UNC13C: variants seen among roughly 807,000 people sequenced by gnomAD.
UNC13C encodes protein unc-13 homolog C.
Under a neutral mutation model 245.4 loss-of-function variants are expected in UNC13C, and 174 were observed. The observed-to-expected ratio is 0.71, with a 90% CI of 0.63 to 0.80. UNC13C has a LOEUF of 0.80. Among genes scored for constraint, UNC13C ranks in the 30% least tolerant of loss-of-function variants. The probability of loss-of-function intolerance (pLI) is 0.00; values close to 1 mark genes in which losing one functional copy is unlikely to be tolerated. For missense variants in UNC13C, 2,829 were observed against 2,602.9 expected, an observed-to-expected ratio of 1.09 and a Z score of -1.89; for synonymous variants, 992 against 895.1, an observed-to-expected ratio of 1.11 and a Z score of -1.93.
chr15:54,454,710 G>C (rs1016658915), intron 19 of UNC13C, among the ~76,000 whole-genome samples: 5 of 151,924 alleles, frequency 3.3e-5, no homozygotes, highest in African/African-American at 1.2e-4. Flanking sequence ...ATGGCCTTTT[G>C]TGTCTGGCTT....
At chr15:54,128,114 A>G (rs2031178900) in intron 2 of UNC13C, among the ~76,000 whole-genome samples, 1 of 152,176 alleles carries the variant, frequency 6.6e-6, no homozygotes, top group Admixed American at 6.5e-5. Context: ...ATTTCTATAC[A>G]CCAACAAGGT....
chr15:54,458,091 T>A (rs917250951), intron 19 of UNC13C, among the ~76,000 whole-genome samples: 1 of 152,052 alleles, frequency 6.6e-6, no homozygotes, highest in Non-Finnish European at 1.5e-5. Context: ...TGTGTCATAA[T>A]TATCATTCAG....
intron 4 of UNC13C, among the ~76,000 whole-genome samples, chr15:54,221,107 T>G (rs1425996226): frequency 1.3e-5 from 2 of 152,080 alleles, no homozygotes; most frequent in African/African-American, 4.8e-5. Context: ...TATTTTCCCT[T>G]CATGTATTGA....
At chr15:54,188,992 A>C (rs1252241146) in intron 4 of UNC13C, among the ~76,000 whole-genome samples, 1 of 152,168 alleles carries the variant, frequency 6.6e-6, no homozygotes, top group Non-Finnish European at 1.5e-5. Flanking sequence ...CACATTAAAA[A>C]TAAGGACTGT....
chr15:53,996,740 T>G (rs1894651796), intron 1 of UNC13C, among the ~76,000 whole-genome samples: 1 of 152,134 alleles, frequency 6.6e-6, no homozygotes, highest in African/African-American at 2.4e-5. Context: ...GTGCCTGGTT[T>G]ATTTTGCTCA....
At chr15:53,870,809 T>C in the UNC13C span, among the ~76,000 whole-genome samples, 1 of 152,254 alleles carries the variant, frequency 6.6e-6, no homozygotes, top group East Asian at 1.9e-4. Context: ...CACACAGCAA[T>C]TAACTGAATT....
intron 29 of UNC13C, among the ~76,000 whole-genome samples, chr15:54,562,464 C>G (rs1475964464): frequency 6.6e-6 from 1 of 152,008 alleles, no homozygotes; most frequent in Non-Finnish European, 1.5e-5. Flanking sequence ...GCATCTCCCA[C>G]TCTTGCCACG....
chr15:54,502,817 AG>A (rs1255337039), intron 22 of UNC13C, among the ~76,000 whole-genome samples: 1 of 152,152 alleles, frequency 6.6e-6, no homozygotes, highest in African/African-American at 2.4e-5. Context: ...CAGAATAGTC[AG>A]GCAGGTAGGT....
At chr15:54,392,375 T>C (rs755294893) in intron 17 of UNC13C, among the ~76,000 whole-genome samples, 2 of 151,852 alleles carry the variant, frequency 1.3e-5, no homozygotes, top group Non-Finnish European at 2.9e-5. Context: ...CTTTGAGCAG[T>C]GTGGTAAATT....
chr15:54,096,330 C>T (rs927538547), intron 2 of UNC13C, among the ~76,000 whole-genome samples: 2 of 18,952 alleles, frequency 1.1e-4, no homozygotes, highest in African/African-American at 4.9e-4. Flanking sequence ...CTGCTCATTT[C>T]TCTATTTGGA....
At chr15:53,870,432 A>G in the UNC13C span, among the ~76,000 whole-genome samples, 1 of 106,730 alleles carries the variant, frequency 9.4e-6, no homozygotes, top group African/African-American at 3.6e-5. Flanking sequence ...CCCACCCCCC[A>G]CCCCCACACT....
At chr15:54,137,279 C>T (rs2031787113) in intron 2 of UNC13C, among the ~76,000 whole-genome samples, 1 of 152,140 alleles carries the variant, frequency 6.6e-6, no homozygotes, top group Non-Finnish European at 1.5e-5. Flanking sequence ...TTTTTTGCAT[C>T]TATGTTCATC....
intron 30 of UNC13C, chr15:54,609,491 A>G (rs1185101482): frequency 6.6e-6 from 1 of 152,170 alleles, no homozygotes; most frequent in Non-Finnish European, 1.5e-5. Flanking sequence ...AAATCAATGA[A>G]CTGAACTTGT....
intron 17 of UNC13C, among the ~76,000 whole-genome samples, chr15:54,339,496 T>A (rs11630078): frequency 0.26 from 39,076 of 151,934 alleles, 5,626 homozygotes; most frequent in Admixed American, 0.35. Context: ...TAGCTCCCAC[T>A]TATGAGTGAA....
chr15:53,982,493 G>T (rs971889880), intron 1 of UNC13C, among the ~76,000 whole-genome samples: 5 of 152,098 alleles, frequency 3.3e-5, no homozygotes, highest in African/African-American at 9.7e-5. Context: ...CTGAAAGGGG[G>T]CACTGATGAT....
the UNC13C span, among the ~76,000 whole-genome samples, chr15:53,858,105 A>G: frequency 4.6e-5 from 7 of 152,174 alleles, no homozygotes; most frequent in African/African-American, 1.4e-4. Context: ...TATGAATGTC[A>G]TATGTCATGT....
At chr15:54,192,818 TACAG>T (rs2034230113) in intron 4 of UNC13C, among the ~76,000 whole-genome samples, 1 of 152,036 alleles carries the variant, frequency 6.6e-6, no homozygotes, top group African/African-American at 2.4e-5. Flanking sequence ...TGTTTTGAAT[TACAG>T]ACAATAGTTT....
chr15:54,053,395 C>T (rs531574637), intron 2 of UNC13C, among the ~76,000 whole-genome samples: 39 of 152,176 alleles, frequency 2.6e-4, no homozygotes, highest in African/African-American at 7.7e-4. Flanking sequence ...TGCAAAAATA[C>T]GAATGTAAAT....
chr15:54,256,973 C>G (rs181820472), intron 8 of UNC13C, among the ~76,000 whole-genome samples: 2 of 152,256 alleles, frequency 1.3e-5, no homozygotes, highest in African/African-American at 4.8e-5. Flanking sequence ...AAATTGTTTA[C>G]GTCCAAGGAA....
Sources: allele counts gnomAD v4.1 joint callset (sites outside exome capture counted in the v4.1 genomes callset), GRCh38; gene constraint gnomAD v4.1.1; transcripts MANE v1.5; gene names NCBI Gene and HGNC (gene_info 2026-07-23, HGNC 2026-07-21).